The following FKBP5 variants were observed in gnomAD, a reference collection of about 807,000 sequenced individuals.
FKBP5 encodes the protein peptidyl-prolyl cis-trans isomerase FKBP5.
FKBP5 carries 23 observed loss-of-function variants against 50.5 expected under a neutral mutation model. That is an observed-to-expected ratio of 0.46 (90% CI 0.33 to 0.65). The LOEUF is 0.65. Among genes scored for constraint, FKBP5 ranks in the 30% least tolerant of loss-of-function variants. FKBP5 has a pLI of 0.02. For synonymous variants in FKBP5, 176 were observed against 190.6 expected, an observed-to-expected ratio of 0.92 and a Z score of 0.63; for missense variants, 411 against 553.1, an observed-to-expected ratio of 0.74 and a Z score of 2.58.
chr6:35,671,356 A>G (rs1245709557), intron 1 of FKBP5, among the ~76,000 whole-genome samples: 1 of 151,972 alleles, frequency 6.6e-6, no homozygotes, highest in African/African-American at 2.4e-5. Flanking sequence ...CTTAAAAAAT[A>G]TATCATGAAT....
chr6:35,690,259 G>A (rs1363286414), upstream of FKBP5, among the ~76,000 whole-genome samples: 2 of 152,162 alleles, frequency 1.3e-5, no homozygotes, highest in African/African-American at 4.8e-5. Flanking sequence ...ACCTGAGGTC[G>A]GGAGTTCGAG....
intron 1 of FKBP5, among the ~76,000 whole-genome samples, chr6:35,677,008 A>G (rs776290003): frequency 2.0e-5 from 3 of 152,232 alleles, no homozygotes; most frequent in Non-Finnish European, 2.9e-5. Flanking sequence ...GCCTGCAAAG[A>G]GAAGGCAGAG....
At chr6:35,680,117 GA>G (rs914130084) in intron 1 of FKBP5, among the ~76,000 whole-genome samples, 157 of 142,210 alleles carry the variant, frequency 1.1e-3, no homozygotes, top group East Asian at 1.2e-3. Flanking sequence ...GATGTAGATG[GA>G]AAAAAAAAAA....
rs150928503 is a variant in FKBP5, at chr6:35,601,539, C to T, written c.509-4135G>A. On this transcript the variant is annotated intron_variant, in intron 5 of 10. Coordinates refer to ENST00000357266, the MANE Select transcript of FKBP5 (RefSeq NM_004117.4). ...GCAGATGAGCCTAGCTCCTATAGCT[C>T]CACTTATTCTTTTTAATGTTATCTT... Among the ~76,000 whole-genome samples, 595 of 152,292 alleles carry T rather than the reference C, an allele frequency of 3.9e-3. 4 individuals are homozygous for T. The highest frequency in any genetic ancestry group is 0.013 in the African/African-American group (546 of 41,548).
At chr6:35,712,060 A>AT (rs1766424199) in intron 2 of FKBP5, among the ~76,000 whole-genome samples, 3 of 149,890 alleles carry the variant, frequency 2.0e-5, no homozygotes, top group Admixed American at 6.7e-5. Context: ...AAAAAAAAAA[A>AT]GTAGAAACAG....
At chr6:35,581,980 G>A (rs1762446935) in intron 8 of FKBP5, 1 of 985,486 alleles carries the variant, frequency 1.0e-6, no homozygotes, top group Non-Finnish European at 1.2e-6. Context: ...AAGAGGACAT[G>A]CCTGTGATAC....
rs1762156058 is a variant in FKBP5, at chr6:35,574,549, GGC to G, written c.*1284_*1285del. 6.6e-6 allele frequency: 1 copy of G among 152,256 alleles called. No individual in the cohort carries two copies. Among genetic ancestry groups the G allele is most frequent in the South Asian group, 2.1e-4 (1 of 4,824 alleles). The allele number at this position is 152,256 out of a possible 1,614,324, so 9.4% of individuals were successfully genotyped here. A position where few individuals can be genotyped will look rare whatever the true frequency, so the allele number is the denominator to read the frequency against. On this transcript the variant is annotated 3_prime_UTR_variant, in exon 11 of 11. Transcript: ENST00000357266. ...TCAAGTACTGGAGATTTAGGCTACTGGCTGTGTACCGGCATGGGAAGCTGTCT... is the reference window on the plus strand; with the variant it reads ...TCAAGTACTGGAGATTTAGGCTACTGTGTGTACCGGCATGGGAAGCTGTCT...
At chr6:35,639,848 G>C (rs1352885176) in intron 2 of FKBP5, among the ~76,000 whole-genome samples, 1 of 152,176 alleles carries the variant, frequency 6.6e-6, no homozygotes, top group Non-Finnish European at 1.5e-5. Flanking sequence ...TTAAAACTCA[G>C]CATCCTGGTA....
intron 1 of FKBP5, among the ~76,000 whole-genome samples, chr6:35,679,223 T>C (rs1765603489): frequency 6.6e-6 from 1 of 152,244 alleles, no homozygotes; most frequent in African/African-American, 2.4e-5. Flanking sequence ...TGTGTATGTA[T>C]GCAACTTTCA....
chr6:35,598,309 A>G (rs566766480), intron 5 of FKBP5, among the ~76,000 whole-genome samples: 1 of 152,168 alleles, frequency 6.6e-6, no homozygotes, highest in African/African-American at 2.4e-5. Context: ...TGCAGCCTCC[A>G]CTTCCTGGGT....
intron 1 of FKBP5, among the ~76,000 whole-genome samples, chr6:35,650,299 CAA>C (rs34190034): frequency 1.3e-3 from 126 of 99,878 alleles, no homozygotes; most frequent in Non-Finnish European, 1.5e-3. Flanking sequence ...AGATATTGTC[CAA>C]AAAAAAAAAA....
rs1229626194 is a variant in FKBP5 at position 35,727,771 on chromosome 6, G to A, written c.-241+737C>T. ...TGAGCGCTGGAGAAGCACGGACTGA[G>A]CGCTGGAGAGCGCTGGCGGCAGCCT... On this transcript the variant is annotated intron_variant, in intron 1 of 11. Coordinates refer to the FKBP5 transcript ENST00000536438. Among the ~76,000 whole-genome samples, 3 of 152,230 alleles carry A rather than the reference G, an allele frequency of 2.0e-5. No individual in the cohort carries two copies. The East Asian group carries it at 5.8e-4, about 29-fold the overall frequency.
At chr6:35,726,727 C>G (rs966468425) in intron 1 of FKBP5, among the ~76,000 whole-genome samples, 1 of 152,162 alleles carries the variant, frequency 6.6e-6, no homozygotes. Context: ...TAACATCCAG[C>G]GTGTTTGTCT....
intron 7 of FKBP5, among the ~76,000 whole-genome samples, chr6:35,589,694 A>C (rs867995442): frequency 2.0e-4 from 30 of 152,332 alleles, no homozygotes; most frequent in African/African-American, 5.0e-4. Context: ...ACCACATGCT[A>C]AAGATTATCT....
intron 1 of FKBP5, among the ~76,000 whole-genome samples, chr6:35,686,850 A>C (rs1373672325): frequency 6.6e-6 from 1 of 152,250 alleles, no homozygotes; most frequent in Non-Finnish European, 1.5e-5. Flanking sequence ...CTGATTAAAA[A>C]TATGTTTTAA....
intron 5 of FKBP5, among the ~76,000 whole-genome samples, chr6:35,609,588 T>C (rs1763430538): frequency 6.6e-6 from 1 of 152,214 alleles, no homozygotes; most frequent in Admixed American, 6.5e-5. Flanking sequence ...TTTTATTCCC[T>C]GTAGGAAATT....
chr6:35,703,304 C>T (rs994747992), intron 2 of FKBP5, among the ~76,000 whole-genome samples: 16 of 151,040 alleles, frequency 1.1e-4, no homozygotes, highest in African/African-American at 3.4e-4. Context: ...CCCAGCTACT[C>T]GGGAGGCTGA....
At chr6:35,683,886 C>T (rs930574245) in intron 1 of FKBP5, among the ~76,000 whole-genome samples, 2 of 151,792 alleles carry the variant, frequency 1.3e-5, no homozygotes, top group African/African-American at 2.4e-5. Context: ...GGCAAAACCT[C>T]GTCTCTACCA....
chr6:35,575,541 A>T lies in FKBP5; in HGVS notation c.*294T>A, dbSNP rs190161400. On this transcript the variant is annotated 3_prime_UTR_variant, in exon 11 of 11. Transcript: ENST00000357266. The stretch of plus-strand genomic sequence containing the variant: ...GATCTCCAGGGACCCTGAATTGGAT[A>T]CTTGAAGGTTGATAGAAACTGAAAT... 293 of 323,842 alleles carry T rather than the reference A, an allele frequency of 9.0e-4. 3 individuals carry two copies. The highest frequency in any genetic ancestry group is 1.5e-3 in the Non-Finnish European group (261 of 172,028). The allele number at this position is 323,842 out of a possible 1,614,324, so 20.1% of individuals were successfully genotyped here.
Sources: gnomAD v4.1 joint callset for allele counts (sites outside exome capture counted in the v4.1 genomes callset) on GRCh38, gnomAD v4.1.1 for gene constraint, MANE v1.5 for transcripts, NCBI Gene and HGNC (gene_info 2026-07-23, HGNC 2026-07-21) for gene names.